Variants in DOP1B observed in about 807,000 individuals in gnomAD.
DOP1B encodes the protein DOP1 leucine zipper like protein B, also known as protein DOP1B.
In DOP1B, 174 loss-of-function variants were observed where a neutral mutation model predicts 233.5. The ratio of observed to expected loss-of-function variants is 0.75; its 90% CI spans 0.66 to 0.85. The LOEUF (loss-of-function observed/expected upper bound fraction) is 0.85, where lower values mean the gene tolerates loss of function less well. DOP1B is among the 40% of genes least tolerant of loss of function. DOP1B has a pLI of 0.00. For synonymous variants in DOP1B, 1,190 were observed against 1,185.6 expected (o/e 1.00, Z -0.08); for missense variants, 2,652 against 2,846.6 (o/e 0.93, Z 1.56).
At chr21:36,202,030 C>CA (rs1408467320) in intron 4 of DOP1B, among the ~76,000 whole-genome samples, 1 of 151,834 alleles carries the variant, frequency 6.6e-6, no homozygotes, top group Non-Finnish European at 1.5e-5. Flanking sequence ...ACTAAAAATA[C>CA]AAAAAAATTA....
intron 2 of DOP1B, among the ~76,000 whole-genome samples, chr21:36,172,443 TC>T (rs2065980688): frequency 6.6e-6 from 1 of 152,166 alleles, no homozygotes; most frequent in Admixed American, 6.5e-5. Flanking sequence ...CATTCAAGGG[TC>T]CCTGATAGGA....
rs757459880 is a variant in DOP1B, at chr21:36,245,827, G to A, written c.3847G>A (p.Ala1283Thr). Residue 1283 changes from alanine to threonine, a missense_variant, in exon 19 of 37, where the codon GCT (alanine) becomes ACT (threonine). This residue lies in a region of DOP1B where 2,617 missense variants were observed against 2,794.3 expected (regional missense o/e 0.94). Transcript: ENST00000691173. The surrounding 1 kb of genome is among the most constrained non-coding windows in gnomAD (Gnocchi z 5.5). ...CCTCAACCTCATCTCCAACCTCCTC[G>A]CTCGCCACCAGGAGGCCCTCATTGG... ...AHLNLISNLL[A>T]RHQEALIGQS... 1.2e-5 allele frequency: 20 copies of A among 1,613,566 alleles called. No individual in the cohort carries two copies. The highest frequency in any genetic ancestry group is 7.7e-5 in the South Asian group (7 of 91,056).
chr21:36,227,498 G>A (rs958424911), intron 12 of DOP1B, among the ~76,000 whole-genome samples, 188 bp from the exon 13 acceptor site: 1 of 151,718 alleles, frequency 6.6e-6, no homozygotes, highest in Non-Finnish European at 1.5e-5. Flanking sequence ...AGTGAGCCGA[G>A]ATCGCGACAC....
At chr21:36,250,059 TC>T (rs919372347) in intron 21 of DOP1B, among the ~76,000 whole-genome samples, 1 of 152,162 alleles carries the variant, frequency 6.6e-6, no homozygotes, top group Non-Finnish European at 1.5e-5. Context: ...TAGCATCCTG[TC>T]CTCATGGGTT....
intron 2 of DOP1B, among the ~76,000 whole-genome samples, chr21:36,175,985 C>G (rs2066019664): frequency 1.3e-5 from 2 of 151,946 alleles, no homozygotes; most frequent in Non-Finnish European, 2.9e-5. Flanking sequence ...TGGTAGAAGC[C>G]CAGATGGTCT....
rs1319420070 is a variant in DOP1B at position 36,263,660 on chromosome 21, C to T, written c.5420+10C>T. ...ATTTTCTGCTTCTCAGGTATCATGTCACCACATTGTCATTGTGTAATATTT... is the reference window on the plus strand; with the variant it reads ...ATTTTCTGCTTCTCAGGTATCATGTTACCACATTGTCATTGTGTAATATTT... On this transcript the variant is annotated intron_variant, in intron 25 of 36. Coordinates refer to ENST00000691173, the MANE Select transcript of DOP1B (RefSeq NM_001320714.2). 1 of 1,613,150 alleles carries T rather than the reference C, an allele frequency of 6.2e-7. No individual in the cohort carries two copies. Among genetic ancestry groups the T allele is most frequent in the Admixed American group, 1.7e-5 (1 of 60,010 alleles).
chr21:36,265,995 G>T lies in DOP1B; in HGVS notation c.5487+2181G>T, dbSNP rs75308644. On this transcript the variant is annotated intron_variant, in intron 26 of 36. Transcript: ENST00000691173. ...ATAGCTTGAGATCCTGCAGGTTGAG[G>T]GCTCAGTCCCACAAGACTGCCCCAC... Among the ~76,000 whole-genome samples, 469 of 151,614 alleles carry T rather than the reference G, an allele frequency of 3.1e-3. 7 individuals are homozygous for T. In the East Asian group the frequency reaches 0.054, roughly 18 times the overall value.
At position 36,227,857 on chromosome 21, in the gene DOP1B, G is replaced by C; in HGVS notation, c.1645G>C (p.Glu549Gln). The change falls in exon 13 of 37, where the codon GAG becomes CAG. Residue 549 changes from glutamate (E) to glutamine (Q), a missense_variant. Physicochemically the swap from Glu to Gln is conservative, Grantham distance 29. This residue lies in a region of DOP1B where 2,617 missense variants were observed against 2,794.3 expected (regional missense o/e 0.94). Transcript: ENST00000691173. Reference protein sequence around the residue: ...VQMPPSYLDTESTSGTSSPVK... With the variant: ...VQMPPSYLDTQSTSGTSSPVK... ...GATGCCTCCTTCCTACCTCGACACG[G>C]AGTCCACCAGCGGAACCTCGGTGTG... 1 of 1,602,648 alleles carries C rather than the reference G, an allele frequency of 6.2e-7. No individual in the cohort carries two copies. The highest frequency in any genetic ancestry group is 8.5e-7 in the Non-Finnish European group (1 of 1,172,068).
At chr21:36,169,035 C>G (rs2065944322) in intron 2 of DOP1B, 1 of 845,406 alleles carries the variant, frequency 1.2e-6, no homozygotes, top group Non-Finnish European at 2.0e-6. Flanking sequence ...TTCTTCTCCT[C>G]CATGGTCTGG....
intron 18 of DOP1B, among the ~76,000 whole-genome samples, chr21:36,242,836 T>C (rs1259574797): frequency 6.6e-6 from 1 of 152,224 alleles, no homozygotes; most frequent in East Asian, 1.9e-4. Flanking sequence ...TTCAAGCAGC[T>C]CATCAATTTC....
intron 35 of DOP1B, among the ~76,000 whole-genome samples, chr21:36,289,623 A>C (rs918413070): frequency 1.3e-5 from 2 of 152,092 alleles, no homozygotes; most frequent in Non-Finnish European, 2.9e-5. Flanking sequence ...CCATAGGCTT[A>C]TGTTTCCTGC....
chr21:36,211,903 G>T (rs2066502210), intron 6 of DOP1B, 71 bp from the exon 7 acceptor site: 2 of 1,602,202 alleles, frequency 1.2e-6, no homozygotes, highest in South Asian at 1.1e-5. Context: ...AGCAAGGAAG[G>T]GCTGCGTGTC....
intron 10 of DOP1B, among the ~76,000 whole-genome samples, chr21:36,220,049 C>T (rs1484417764): frequency 1.3e-5 from 2 of 152,176 alleles, no homozygotes; most frequent in African/African-American, 2.4e-5. Context: ...GCCTCACGTG[C>T]GCAGTTACAC....
At chr21:36,235,938 T>G (rs886622556) in intron 15 of DOP1B, among the ~76,000 whole-genome samples, 3 of 152,048 alleles carry the variant, frequency 2.0e-5, no homozygotes, top group Non-Finnish European at 4.4e-5. Context: ...GGAAATCACT[T>G]TCCCTTAGAG....
intron 23 of DOP1B, among the ~76,000 whole-genome samples, chr21:36,255,926 A>G (rs1308536711): frequency 3.9e-5 from 6 of 152,078 alleles, no homozygotes; most frequent in Non-Finnish European, 8.8e-5. Context: ...TTGTCTAGAG[A>G]GCTTCTTCAA....
intron 20 of DOP1B, 126 bp from the exon 21 acceptor site, chr21:36,248,254 C>T: frequency 1.1e-6 from 1 of 870,304 alleles, no homozygotes; most frequent in Non-Finnish European, 1.8e-6. Context: ...CAGACCACCA[C>T]ATGTATGAGT....
intron 4 of DOP1B, among the ~76,000 whole-genome samples, chr21:36,200,798 G>A (rs1231242201): frequency 6.6e-6 from 1 of 150,874 alleles, no homozygotes; most frequent in African/African-American, 2.4e-5. Flanking sequence ...AGCCGAGATC[G>A]CACCACTGCA....
intron 13 of DOP1B, among the ~76,000 whole-genome samples, chr21:36,229,733 C>T (rs2066737083): frequency 6.8e-6 from 1 of 147,040 alleles, no homozygotes; most frequent in Admixed American, 6.9e-5. Flanking sequence ...ATGATTTTGG[C>T]TCACTGCAAC....
In DOP1B at chr21:36,288,782, A is replaced by C. The variant is rs1167009438; in HGVS notation, c.6324A>C (p.Glu2108Asp). ...TTCAGACATTCACACAGCTTGAAGAAGATCTAAAAGATGAAGATGAGTCAT... is the reference window on the plus strand; with the variant it reads ...TTCAGACATTCACACAGCTTGAAGACGATCTAAAAGATGAAGATGAGTCAT... ...ELIQTFTQLE[E>D]DLKDEDESLR... is the part of the protein sequence containing the mutation. The change falls in exon 34 of 37, where the codon GAA becomes GAC. Residue 2108 changes from glutamate to aspartate, a missense_variant. By Grantham distance (45) the Glu-to-Asp change is conservative. This residue lies in a region of DOP1B where 2,617 missense variants were observed against 2,794.3 expected (regional missense o/e 0.94). Coordinates refer to ENST00000691173, the MANE Select transcript of DOP1B (RefSeq NM_001320714.2). 1 of 1,613,768 alleles carries C rather than the reference A, an allele frequency of 6.2e-7. No individual in the cohort carries two copies. The highest frequency in any genetic ancestry group is 8.5e-7 in the Non-Finnish European group (1 of 1,179,738).
Sources: gnomAD v4.1 joint callset for allele counts (sites outside exome capture counted in the v4.1 genomes callset) on GRCh38, gnomAD v4.1.1 for gene constraint, gnomAD v4.1.1 regional missense constraint, Gnocchi (gnomAD v3.1) non-coding constraint, MANE v1.5 for transcripts, NCBI Gene and HGNC (gene_info 2026-07-23, HGNC 2026-07-21) for gene names.